SHOC1: variants seen among roughly 807,000 people sequenced by gnomAD.
SHOC1 encodes the protein shortage in chiasmata 1, also known as protein shortage in chiasmata 1 ortholog.
In SHOC1, 136 loss-of-function variants were observed where a neutral mutation model predicts 179.2. That is an observed-to-expected ratio of 0.76 (90% CI 0.66 to 0.87). The LOEUF is 0.87. Ranked by LOEUF, SHOC1 falls within the 40% of genes least tolerant of loss-of-function variation. The probability of loss-of-function intolerance (pLI) is 0.00; values close to 1 mark genes in which losing one functional copy is unlikely to be tolerated. For missense variants in SHOC1, 1,538 were observed against 1,700.8 expected, an observed-to-expected ratio of 0.90 and a Z score of 1.68; for synonymous variants, 489 against 586.6, an observed-to-expected ratio of 0.83 and a Z score of 2.41.
rs184880498 is a variant in SHOC1, at chr9:111,694,937, T to A, written c.3184-575A>T. On this transcript the variant is annotated intron_variant, in intron 24 of 27. Transcript: ENST00000682961. Reference sequence around the variant, plus strand: ...GATTCTAAGATACCCCTGCCAAAAATGTGGTGTTTGTGTATATTAAATTTA... The same window carrying A: ...GATTCTAAGATACCCCTGCCAAAAAAGTGGTGTTTGTGTATATTAAATTTA... Among the ~76,000 whole-genome samples the A allele has an allele frequency of 8.5e-5, 13 of 152,208 alleles. No homozygotes were observed. In the East Asian group the frequency reaches 2.3e-3, roughly 27 times the overall value.
intron 10 of SHOC1, among the ~76,000 whole-genome samples, 176 bp from the exon 11 acceptor site, chr9:111,741,746 C>G (rs766821587): frequency 6.6e-6 from 1 of 152,106 alleles, no homozygotes; most frequent in Non-Finnish European, 1.5e-5. Context: ...ATTTTCCTGT[C>G]TCAGGCTCCC....
intron 4 of SHOC1, among the ~76,000 whole-genome samples, chr9:111,778,469 A>G (rs1003790154): frequency 6.6e-6 from 1 of 152,138 alleles, no homozygotes; most frequent in Non-Finnish European, 1.5e-5. Context: ...TCAGGTGGTA[A>G]AAAAATGTTA....
In SHOC1 at chr9:111,692,344, C is replaced by G. The variant is rs768437310; in HGVS notation, c.3633G>C (p.Gln1211His). ...GCACTGTCTCTCCTAATCCTAAATA[C>G]TGATAATATTCATTATGTTCTTGAA... Reference protein sequence around the residue: ...SVIQEHNEYYQYLGLGETVQE... With the variant: ...SVIQEHNEYYHYLGLGETVQE... Residue 1211 changes from glutamine (Q) to histidine (H), a missense_variant, in exon 27 of 28, where the codon CAG (glutamine) becomes CAC (histidine). Coordinates refer to ENST00000682961, the MANE Select transcript of SHOC1 (RefSeq NM_001378211.1). The G allele has an allele frequency of 1.2e-6, 2 of 1,611,276 alleles. No individual in the cohort carries two copies. Among genetic ancestry groups the G allele is most frequent in the Non-Finnish European group, 8.5e-7 (1 of 1,177,668 alleles).
intron 10 of SHOC1, among the ~76,000 whole-genome samples, chr9:111,743,558 G>C (rs569876446): frequency 5.3e-5 from 8 of 152,268 alleles, no homozygotes; most frequent in Non-Finnish European, 8.8e-5. Context: ...CAGAATCACA[G>C]TGCTTGTGTT....
At chr9:111,756,548 G>T in intron 7 of SHOC1, 70 bp from the exon 8 acceptor site, 1 of 1,386,662 alleles carries the variant, frequency 7.2e-7, no homozygotes, top group South Asian at 1.3e-5. Context: ...ATCATAAGTG[G>T]ACAAAATTTG....
chr9:111,706,664 T>G lies in SHOC1; in HGVS notation c.2641A>C (p.Asn881His), dbSNP rs577561334. 6.2e-7 allele frequency: 1 copy of G among 1,609,116 alleles called. No individual in the cohort carries two copies. The highest frequency in any genetic ancestry group is 1.3e-5 in the African/African-American group (1 of 74,778). The change falls in exon 20 of 28, where the codon AAT becomes CAT. Residue 881 changes from asparagine (N) to histidine (H), a missense_variant. Coordinates refer to ENST00000682961, the MANE Select transcript of SHOC1 (RefSeq NM_001378211.1). ...GTCCAACAAGAGTCTTCCACATAAT[T>G]GTATTCCACCACAAATGAGAAATTA... is the stretch of plus-strand genomic sequence containing the variant. ...WSNFSFVVEY[N>H]YVEDSCWTKH...
In SHOC1 at chr9:111,781,083, A is replaced by C. The variant is rs1252044227; in HGVS notation, c.170-66T>G. ...TTTTACACTTAATTCAAGGAAGCCA[A>C]ACATTCACCTTTTACATTATGATTT... On this transcript the variant is annotated intron_variant, in intron 3 of 27. Transcript: ENST00000682961. 8.8e-6 allele frequency: 9 copies of C among 1,020,630 alleles called. No homozygotes were observed. In the Admixed American group the frequency reaches 1.9e-4, roughly 21 times the overall value. 63.2% of individuals were successfully genotyped at this position (1,020,630 alleles called of 1,614,324 possible).
At chr9:111,767,079 T>C (rs1835387042) in intron 5 of SHOC1, among the ~76,000 whole-genome samples, 1 of 152,230 alleles carries the variant, frequency 6.6e-6, no homozygotes, top group Admixed American at 6.5e-5. Flanking sequence ...TCCTTGTATA[T>C]TATGGTTATT....
intron 5 of SHOC1, among the ~76,000 whole-genome samples, chr9:111,761,960 G>A (rs958248250): frequency 5.3e-5 from 8 of 152,056 alleles, no homozygotes; most frequent in African/African-American, 1.4e-4. Flanking sequence ...CATACTAGTG[G>A]ACATATAGCT....
At chr9:111,704,815 C>T (rs1212805355) in intron 21 of SHOC1, among the ~76,000 whole-genome samples, 1 of 151,918 alleles carries the variant, frequency 6.6e-6, no homozygotes, top group Admixed American at 6.6e-5. Context: ...GTCCTGTTTC[C>T]CAGGCAGTAA....
intron 27 of SHOC1, 26 bp from the exon 28 acceptor site, chr9:111,686,896 C>T (rs753719247): frequency 3.7e-6 from 5 of 1,361,688 alleles, no homozygotes; most frequent in Non-Finnish European, 5.2e-6. Flanking sequence ...AAAGGAAAAC[C>T]ATTTTATTGC....
At chr9:111,756,241 G>T in intron 8 of SHOC1, 84 bp downstream of exon 8, 1 of 1,174,722 alleles carries the variant, frequency 8.5e-7, no homozygotes, top group Non-Finnish European at 1.1e-6. Flanking sequence ...TGGAGGTTCA[G>T]AAAAATTTTA....
In SHOC1 at chr9:111,758,689, A is replaced by C; in HGVS notation, c.596+6T>G. On this transcript the variant is annotated splice_donor_region_variant and intron_variant, in intron 6 of 27. Transcript: ENST00000682961. ...TATTTACAGCATTGGTCAATTAAGT[A>C]AGTACCTGGAAAAATTAGCTTCTGT... 6.4e-7 allele frequency: 1 copy of C among 1,569,978 alleles called. No homozygotes were observed. The highest frequency in any genetic ancestry group is 1.2e-5 in the South Asian group (1 of 83,280).
At chr9:111,773,591 C>CATG (rs1835709539) in intron 5 of SHOC1, among the ~76,000 whole-genome samples, 1 of 152,192 alleles carries the variant, frequency 6.6e-6, no homozygotes, top group Non-Finnish European at 1.5e-5. Flanking sequence ...GAATTACAGG[C>CATG]ATGAGCTACT....
chr9:111,765,898 T>C (rs1835336273), intron 5 of SHOC1, among the ~76,000 whole-genome samples: 1 of 152,066 alleles, frequency 6.6e-6, no homozygotes, highest in Non-Finnish European at 1.5e-5. Flanking sequence ...GGTTTCACCA[T>C]GTTGGCCAGG....
Position 111,779,114 on chromosome 9 carries a change from A to AAG in SHOC1, c.257+1814_257+1815dup, listed in dbSNP as rs201917801. Reference sequence around the variant, plus strand: ...ACTCTGTGTCAAAAAAAAAAAAAAAAAGAGAGAGAGAGAGAGAGAGATGAA... The same window carrying AAG: ...ACTCTGTGTCAAAAAAAAAAAAAAAAAGAGAGAGAGAGAGAGAGAGAGATGAA... On this transcript the variant is annotated intron_variant, in intron 4 of 27. Transcript: ENST00000682961. 9.2e-3 allele frequency among the ~76,000 whole-genome samples: 1,189 copies of AAG among 129,708 alleles called. 13 individuals are homozygous for AAG. The highest frequency in any genetic ancestry group is 0.013 in the Non-Finnish European group (859 of 65,244). The allele number at this position is 129,708 out of a possible 152,430, so 85.1% of individuals were successfully genotyped here.
chr9:111,769,986 GTTT>G (rs769266659), intron 5 of SHOC1, among the ~76,000 whole-genome samples: 38,049 of 78,318 alleles, frequency 0.49, 6,486 homozygotes, highest in East Asian at 0.7. Flanking sequence ...TTTTTTTTTT[GTTT>G]TTTTTTTTTT....
Position 111,706,703 on chromosome 9 carries a change from C to T in SHOC1, c.2602G>A (p.Asp868Asn), listed in dbSNP as rs1832292399. The change falls in exon 20 of 28, where the codon GAT (aspartate) becomes AAT (asparagine). Residue 868 changes from aspartate (D) to asparagine (N), a missense_variant. Coordinates refer to ENST00000682961, the MANE Select transcript of SHOC1 (RefSeq NM_001378211.1). Reference protein sequence around the residue: ...VVVHNQYIGADFPWSNFSFVV... With the variant: ...VVVHNQYIGANFPWSNFSFVV... ...AATGAGAAATTACTCCAGGGGAAATCTGCTCCAATATATTGATTATGTACA... is the reference window on the plus strand; with the variant it reads ...AATGAGAAATTACTCCAGGGGAAATTTGCTCCAATATATTGATTATGTACA... The T allele has an allele frequency of 1.2e-6, 2 of 1,608,542 alleles. No homozygotes were observed. The highest frequency in any genetic ancestry group is 1.7e-5 in the Admixed American group (1 of 59,392).
chr9:111,746,831 T>C (rs1834312372), intron 9 of SHOC1, among the ~76,000 whole-genome samples: 1 of 152,148 alleles, frequency 6.6e-6, no homozygotes, highest in Admixed American at 6.5e-5. Context: ...TACATATATA[T>C]AACATTGTGT....
Sources: gnomAD v4.1 joint callset for allele counts (sites outside exome capture counted in the v4.1 genomes callset) on GRCh38, gnomAD v4.1.1 for gene constraint, MANE v1.5 for transcripts, NCBI Gene and HGNC (gene_info 2026-07-23, HGNC 2026-07-21) for gene names.